SLC7A1: variants seen among roughly 807,000 people sequenced by gnomAD.
SLC7A1 encodes high affinity cationic amino acid transporter 1.
In SLC7A1, 10 loss-of-function variants were observed where a neutral mutation model predicts 53.9. That is an observed-to-expected ratio of 0.19 (90% CI 0.11 to 0.31). SLC7A1 has a LOEUF of 0.31. Among genes scored for constraint, SLC7A1 ranks in the 10% least tolerant of loss-of-function variants. The probability of loss-of-function intolerance (pLI) is 1.00; values close to 1 mark genes in which losing one functional copy is unlikely to be tolerated. For synonymous variants in SLC7A1, 342 were observed against 338.7 expected (o/e 1.01, Z -0.11); for missense variants, 525 against 827.2 (o/e 0.63, Z 4.48).
chr13:29,579,431 G>A (rs2139179983), intron 1 of SLC7A1, among the ~76,000 whole-genome samples: 1 of 151,730 alleles, frequency 6.6e-6, no homozygotes, highest in African/African-American at 2.4e-5. Flanking sequence ...TGCAATCTTG[G>A]TTCACTGCAA....
chr13:29,572,661 T>C (rs1043297365), intron 1 of SLC7A1, among the ~76,000 whole-genome samples: 4 of 152,218 alleles, frequency 2.6e-5, no homozygotes, highest in Non-Finnish European at 5.9e-5. Context: ...TAAGGCACTG[T>C]GGCCCTACCG....
rs187248184 is a variant in SLC7A1 at position 29,550,975 on chromosome 13, C to A, written c.-15+2786G>T. Among the ~76,000 whole-genome samples, 37 of 152,312 alleles carry A rather than the reference C, an allele frequency of 2.4e-4. No homozygotes were observed. The East Asian group carries it at 6.9e-3, about 29-fold the overall frequency. On this transcript the variant is annotated intron_variant, in intron 2 of 12. Coordinates refer to ENST00000380752, the MANE Select transcript of SLC7A1 (RefSeq NM_003045.5). ...TACATTGCTTCAATGGTGGGGATAA[C>A]CACAACTTCGCCTGAAGCTATTTCA...
At chr13:29,545,255 A>G (rs1185902366) in intron 2 of SLC7A1, among the ~76,000 whole-genome samples, 1 of 152,166 alleles carries the variant, frequency 6.6e-6, no homozygotes, top group Non-Finnish European at 1.5e-5. Flanking sequence ...TTGTCTAGGA[A>G]GCCCTCTCCA....
At chr13:29,578,279 C>T (rs1244171791) in intron 1 of SLC7A1, among the ~76,000 whole-genome samples, 3 of 152,098 alleles carry the variant, frequency 2.0e-5, no homozygotes, top group South Asian at 4.1e-4. Context: ...TTGGGCTGCA[C>T]AACTGAAGTT....
chr13:29,564,787 T>A (rs1453360438), intron 1 of SLC7A1, among the ~76,000 whole-genome samples: 1 of 152,246 alleles, frequency 6.6e-6, no homozygotes, highest in African/African-American at 2.4e-5. Flanking sequence ...TACTGCTACA[T>A]TCACAGAATT....
At chr13:29,563,899 G>T (rs476506) in intron 1 of SLC7A1, among the ~76,000 whole-genome samples, 126,560 of 152,218 alleles carry the variant, frequency 0.83, 54,045 homozygotes, top group Non-Finnish European at 0.93. Flanking sequence ...AGGCCATCTT[G>T]AGCCGGTGAG....
chr13:29,529,501 C>T (rs889985040), intron 5 of SLC7A1, among the ~76,000 whole-genome samples: 6 of 152,338 alleles, frequency 3.9e-5, no homozygotes, highest in East Asian at 3.9e-4. Context: ...CTCTCCTCTA[C>T]GCTCTCTTTT....
rs1883488603 is a variant in SLC7A1, at chr13:29,514,319, G to A, written c.*161C>T. ...CCCGGAGAACCGGCTGCAGAGCCGA[G>A]GGTGGGCTGGGGCTGCAGGTCAAGT... is the stretch of plus-strand genomic sequence containing the variant. On this transcript the variant is annotated 3_prime_UTR_variant, in exon 13 of 13. Coordinates refer to ENST00000380752, the MANE Select transcript of SLC7A1 (RefSeq NM_003045.5). 2 of 609,720 alleles carry A rather than the reference G, an allele frequency of 3.3e-6. No individual in the cohort carries two copies. Among genetic ancestry groups the A allele is most frequent in the Non-Finnish European group, 5.9e-6 (2 of 339,244 alleles). The allele number at this position is 609,720 out of a possible 1,614,324, so 37.8% of individuals were successfully genotyped here. A position where few individuals can be genotyped will look rare whatever the true frequency, so the allele number is the denominator to read the frequency against.
intron 2 of SLC7A1, among the ~76,000 whole-genome samples, chr13:29,550,127 C>G (rs1449616351): frequency 6.6e-6 from 1 of 152,182 alleles, no homozygotes; most frequent in African/African-American, 2.4e-5. Flanking sequence ...GACCCAAGAC[C>G]ACATTTTCGT....
intron 2 of SLC7A1, among the ~76,000 whole-genome samples, chr13:29,551,058 C>T (rs1307076546): frequency 1.3e-5 from 2 of 152,184 alleles, no homozygotes; most frequent in African/African-American, 4.8e-5. Context: ...AAATGGCATA[C>T]ATTAAGTAGC....
intron 5 of SLC7A1, among the ~76,000 whole-genome samples, chr13:29,524,610 C>CCGAG (rs1566255324): frequency 6.6e-6 from 1 of 152,146 alleles, no homozygotes; most frequent in East Asian, 1.9e-4. Context: ...CAGGGCCCCT[C>CCGAG]GGAGGAAGGA....
intron 1 of SLC7A1, among the ~76,000 whole-genome samples, chr13:29,575,215 TCAAA>T (rs1871361946): frequency 6.6e-6 from 1 of 152,204 alleles, no homozygotes; most frequent in South Asian, 2.1e-4. Flanking sequence ...GAGCATTTAA[TCAAA>T]CAAACACCTA....
At position 29,532,842 on chromosome 13, in the gene SLC7A1, T is replaced by G. The variant is rs1043404736; in HGVS notation, c.511A>C (p.Ile171Leu). 6.2e-7 allele frequency: 1 copy of G among 1,613,612 alleles called. No individual in the cohort carries two copies. Among genetic ancestry groups the G allele is most frequent in the Non-Finnish European group, 8.5e-7 (1 of 1,179,710 alleles). Residue 171 changes from isoleucine (I) to leucine (L), a missense_variant, in exon 4 of 13, where the codon ATA becomes CTA. By Grantham distance (5) the Ile-to-Leu change is conservative. This residue lies in a region of SLC7A1 where 354 missense variants were observed against 587.5 expected (regional missense o/e 0.60). Coordinates refer to ENST00000380752, the MANE Select transcript of SLC7A1 (RefSeq NM_003045.5). ...AENPDIFAVI[I>L]ILILTGLLTL... ...GCTTTACCTGTCAAGATGAGAATTA[T>G]GATCACTGCGAATATGTCGGGGTTT...
In SLC7A1 at chr13:29,523,400, C is replaced by T. The variant is rs147791309; in HGVS notation, c.915G>A (p.Ser305=). ...AGGGCATCATGAGCGTGAGGGCAGC[C>T]GACACCCCAAAGTAGGCGATGAAGC... ...LICFIAYFGV[S]AALTLMMPYF... is the part of the protein sequence containing the mutation. The change falls in exon 7 of 13, where the codon TCG becomes TCA. Residue 305 remains serine, a synonymous_variant. Transcript: ENST00000380752. The T allele has an allele frequency of 7.7e-5, 124 of 1,613,788 alleles. No individual in the cohort carries two copies. Among genetic ancestry groups the T allele is most frequent in the South Asian group, 3.1e-4 (28 of 91,058 alleles).
At chr13:29,535,563 A>C (rs1391679202) in intron 3 of SLC7A1, among the ~76,000 whole-genome samples, 1 of 152,204 alleles carries the variant, frequency 6.6e-6, no homozygotes, top group Non-Finnish European at 1.5e-5. Context: ...GTTGTCAGGC[A>C]GGGTATTTCT....
At chr13:29,553,618 T>A (rs967125880) in intron 2 of SLC7A1, 143 bp downstream of exon 2, 1 of 152,122 alleles carries the variant, frequency 6.6e-6, no homozygotes, top group South Asian at 2.1e-4. Context: ...CATTTGGAAA[T>A]CTAAAAAAGA....
chr13:29,540,997 G>A (rs1344210742), intron 2 of SLC7A1, among the ~76,000 whole-genome samples: 1 of 152,200 alleles, frequency 6.6e-6, no homozygotes, highest in Non-Finnish European at 1.5e-5. Context: ...GTCAAGGAGT[G>A]TTCCAGACTG....
At chr13:29,555,296 T>A (rs866986651) in intron 1 of SLC7A1, among the ~76,000 whole-genome samples, 8 of 117,006 alleles carry the variant, frequency 6.8e-5, no homozygotes, top group South Asian at 6.4e-4. Flanking sequence ...AGGAGGAGCT[T>A]GCAGTGAGCC....
chr13:29,523,600 AC>A (rs965640088), intron 6 of SLC7A1, 112 bp from the exon 7 acceptor site: 3 of 758,344 alleles, frequency 4.0e-6, no homozygotes, highest in African/African-American at 3.4e-5. Context: ...CCTACGAGAA[AC>A]CTCCCTCCAG....
Sources: gnomAD v4.1 joint callset for allele counts (sites outside exome capture counted in the v4.1 genomes callset) on GRCh38, gnomAD v4.1.1 for gene constraint, gnomAD v4.1.1 regional missense constraint, MANE v1.5 for transcripts, NCBI Gene and HGNC (gene_info 2026-07-23, HGNC 2026-07-21) for gene names.